Variants in GREB1L observed in about 807,000 individuals in gnomAD.
GREB1L encodes the protein GREB1 like retinoic acid receptor coactivator, also known as GREB1-like protein.
Under a neutral mutation model 200.8 loss-of-function variants are expected in GREB1L, and 17 were observed. That is an observed-to-expected ratio of 0.08 (90% CI 0.06 to 0.13). The LOEUF is 0.13. Ranked by LOEUF, GREB1L falls within the 10% of genes least tolerant of loss-of-function variation. The probability of loss-of-function intolerance (pLI) is 1.00; values close to 1 mark genes in which losing one functional copy is unlikely to be tolerated. For missense variants in GREB1L, 1,657 were observed against 2,367.7 expected (o/e 0.70, Z 6.23); for synonymous variants, 789 against 893.0 (o/e 0.88, Z 2.08).
At chr18:21,426,396 A>G (rs565773615) in intron 7 of GREB1L, among the ~76,000 whole-genome samples, 2 of 152,276 alleles carry the variant, frequency 1.3e-5, no homozygotes, top group Admixed American at 1.3e-4. Flanking sequence ...AAGAGGTTCA[A>G]CTTCATTCTT....
intron 18 of GREB1L, 142 bp from the exon 19 acceptor site, chr18:21,489,870 A>G (rs2036262514): frequency 1.6e-6 from 1 of 637,884 alleles, no homozygotes; most frequent in African/African-American, 1.8e-5. Context: ...GTAGGATCCC[A>G]GGTCATTCTA....
intron 15 of GREB1L, among the ~76,000 whole-genome samples, chr18:21,462,267 A>T (rs1168228350): frequency 6.6e-6 from 1 of 152,248 alleles, no homozygotes; most frequent in Middle Eastern, 3.2e-3. Flanking sequence ...TTAATTCCAT[A>T]GAACTGTGAT....
Position 21,395,568 on chromosome 18 carries a change from G to T in GREB1L, c.532+7G>T, listed in dbSNP as rs1427357172. ...GGAAAAAATGCACTTTTAGGTGAGT[G>T]TTTCATGCTTATAAAATTCCTTCCA... On this transcript the variant is annotated splice_region_variant and intron_variant, in intron 5 of 32. Coordinates refer to ENST00000424526, the MANE Select transcript of GREB1L (RefSeq NM_001142966.3). 1 of 1,527,530 alleles carries T rather than the reference G, an allele frequency of 6.5e-7. No homozygotes were observed. The highest frequency in any genetic ancestry group is 8.8e-7 in the Non-Finnish European group (1 of 1,135,424). The allele number at this position is 1,527,530 out of a possible 1,614,324, so 94.6% of individuals were successfully genotyped here.
intron 2 of GREB1L, among the ~76,000 whole-genome samples, chr18:21,377,297 G>A (rs2040113897): frequency 6.6e-6 from 1 of 152,000 alleles, no homozygotes. Flanking sequence ...GGAAATAGGT[G>A]CCTGCTAATG....
At chr18:21,511,034 A>G (rs1384530793) in intron 27 of GREB1L, among the ~76,000 whole-genome samples, 1 of 152,172 alleles carries the variant, frequency 6.6e-6, no homozygotes, top group Non-Finnish European at 1.5e-5. Flanking sequence ...CAGTTTTTAA[A>G]AAATATATTC....
At position 21,437,570 on chromosome 18, in the gene GREB1L, CA is replaced by C. The variant is rs371065487; in HGVS notation, c.833-1941del. 9.0e-4 allele frequency among the ~76,000 whole-genome samples: 124 copies of C among 138,290 alleles called. 2 individuals carry two copies. The highest frequency in any genetic ancestry group is 3.0e-3 in the African/African-American group (114 of 37,510). The allele number at this position is 138,290 out of a possible 152,430, so 90.7% of individuals were successfully genotyped here. A position where few individuals can be genotyped will look rare whatever the true frequency, so the allele number is the denominator to read the frequency against. On this transcript the variant is annotated intron_variant, in intron 7 of 32. Transcript: ENST00000424526. ...ATACCACAGTACTTATAACTCTTGC[CA>C]AAAAAAAAACCTGAATTTGATCAAA...
intron 10 of GREB1L, among the ~76,000 whole-genome samples, chr18:21,443,025 T>A (rs2033987576): frequency 6.6e-6 from 1 of 152,032 alleles, no homozygotes; most frequent in African/African-American, 2.4e-5. Context: ...TTCTTCTGCC[T>A]CCTGAGTAGC....
chr18:21,445,479 AAAAAGAAAAG>A (rs556021180), intron 11 of GREB1L, among the ~76,000 whole-genome samples: 2 of 152,182 alleles, frequency 1.3e-5, no homozygotes, highest in Non-Finnish European at 2.9e-5. Flanking sequence ...CATCTCAAAA[AAAAAGAAAAG>A]AAAAGAAAAG....
At chr18:21,259,758 G>A (rs1381785898) in intron 1 of GREB1L, among the ~76,000 whole-genome samples, 1 of 151,932 alleles carries the variant, frequency 6.6e-6, no homozygotes, top group African/African-American at 2.4e-5. Context: ...TATAAAATTT[G>A]AAATGGTATT....
chr18:21,499,828 G>A lies in GREB1L; in HGVS notation c.3491G>A (p.Gly1164Glu). ...PSFQSPATSL[G>E]LDEGVSASSA... ...TTTCAGAGCCCAGCCACCAGCTTGG[G>A]GCTGGATGAAGGGGTCTCCGCCAGC... is the stretch of plus-strand genomic sequence containing the variant. Residue 1164 changes from glycine (G) to glutamate (E), a missense_variant, in exon 22 of 33, where the codon GGG (glycine) becomes GAG (glutamate). Physicochemically the swap from Gly to Glu is moderately conservative, Grantham distance 98. Coordinates refer to ENST00000424526, the MANE Select transcript of GREB1L (RefSeq NM_001142966.3). 6.4e-7 allele frequency: 1 copy of A among 1,551,794 alleles called. No homozygotes were observed. The highest frequency in any genetic ancestry group is 1.7e-4 in the Middle Eastern group (1 of 5,992).
chr18:21,303,001 A>G (rs1164595228), intron 1 of GREB1L, among the ~76,000 whole-genome samples: 3 of 152,108 alleles, frequency 2.0e-5, no homozygotes, highest in African/African-American at 7.2e-5. Flanking sequence ...GATTACAGGC[A>G]TGAACCACTG....
intron 1 of GREB1L, among the ~76,000 whole-genome samples, chr18:21,353,845 G>T (rs2039468006): frequency 6.6e-6 from 1 of 152,114 alleles, no homozygotes; most frequent in Non-Finnish European, 1.5e-5. Flanking sequence ...AAGTGCAGTG[G>T]TGCAATCTCG....
At chr18:21,456,261 T>C (rs1393658684) in intron 15 of GREB1L, among the ~76,000 whole-genome samples, 1 of 152,182 alleles carries the variant, frequency 6.6e-6, no homozygotes, top group African/African-American at 2.4e-5. Flanking sequence ...AGACCACACT[T>C]TGAGTAGCAT....
chr18:21,378,588 T>C (rs1026846355), intron 2 of GREB1L, among the ~76,000 whole-genome samples: 2 of 152,190 alleles, frequency 1.3e-5, no homozygotes, highest in Non-Finnish European at 2.9e-5. Context: ...TTGGCCAGGC[T>C]GGTCTCAAAC....
intron 16 of GREB1L, among the ~76,000 whole-genome samples, chr18:21,473,998 A>G (rs1169911974): frequency 6.6e-6 from 1 of 152,224 alleles, no homozygotes; most frequent in African/African-American, 2.4e-5. Flanking sequence ...ACCCGCCTCC[A>G]TAATTCAGTC....
Position 21,505,891 on chromosome 18 carries a change from A to G in GREB1L, c.4310A>G (p.Asn1437Ser), listed in dbSNP as rs1374506214. ...SIMLTKYAAYNTFHHCEQCRQ... is the reference protein window; with the variant it reads ...SIMLTKYAAYSTFHHCEQCRQ... The stretch of plus-strand genomic sequence containing the variant: ...ATGCTGACCAAATATGCAGCCTATA[A>G]CACCTTTCACCACTGTGAACAGTGC... The change falls in exon 25 of 33, where the codon AAC becomes AGC. Residue 1437 changes from asparagine to serine, a missense_variant. Asn to Ser is a conservative substitution (Grantham distance 46). Around this residue, in one of 9 missense-constraint regions of GREB1L, gnomAD observed 512 missense variants for 668.3 expected, o/e 0.77. Coordinates refer to ENST00000424526, the MANE Select transcript of GREB1L (RefSeq NM_001142966.3). The G allele has an allele frequency of 1.3e-6, 2 of 1,552,230 alleles. No individual in the cohort carries two copies. The highest frequency in any genetic ancestry group is 1.7e-6 in the Non-Finnish European group (2 of 1,147,062).
intron 1 of GREB1L, among the ~76,000 whole-genome samples, chr18:21,345,403 G>A (rs1340756747): frequency 3.9e-5 from 6 of 152,142 alleles, no homozygotes; most frequent in Admixed American, 3.9e-4. Flanking sequence ...TCTTTAACAC[G>A]TTGTGTATAA....
intron 1 of GREB1L, among the ~76,000 whole-genome samples, chr18:21,326,717 A>G (rs182913313): frequency 4.1e-4 from 63 of 152,322 alleles, no homozygotes; most frequent in African/African-American, 1.5e-3. Flanking sequence ...TAACATGAGA[A>G]TAAGACTGCT....
chr18:21,347,153 C>T (rs2039358291), intron 1 of GREB1L, among the ~76,000 whole-genome samples: 1 of 151,994 alleles, frequency 6.6e-6, no homozygotes, highest in Non-Finnish European at 1.5e-5. Context: ...TGGTGGGTGC[C>T]TGTAGTCCCA....
Sources: gnomAD v4.1 joint callset for allele counts (sites outside exome capture counted in the v4.1 genomes callset) on GRCh38, gnomAD v4.1.1 for gene constraint, gnomAD v4.1.1 regional missense constraint, MANE v1.5 for transcripts, NCBI Gene and HGNC (gene_info 2026-07-23, HGNC 2026-07-21) for gene names.